ERAP1: variants seen among roughly 807,000 people sequenced by gnomAD.
ERAP1 encodes the protein adipocyte-derived leucine aminopeptidase.
ERAP1 carries 86 observed loss-of-function variants against 103.7 expected under a neutral mutation model. The observed-to-expected ratio is 0.83, with a 90% confidence interval of 0.70 to 0.99. ERAP1 has a LOEUF of 0.99. Ranked by LOEUF, ERAP1 falls within the 50% of genes least tolerant of loss-of-function variation. The probability of loss-of-function intolerance (pLI) is 0.00; values close to 1 mark genes in which losing one functional copy is unlikely to be tolerated. For synonymous variants in ERAP1, 398 were observed against 402.4 expected (o/e 0.99, Z 0.13); for missense variants, 1,009 against 1,128.4 (o/e 0.89, Z 1.52).
chr5:96,789,294 C>G (rs1275272218), intron 10 of ERAP1, among the ~76,000 whole-genome samples: 1 of 152,196 alleles, frequency 6.6e-6, no homozygotes, highest in East Asian at 1.9e-4. Flanking sequence ...CAAGACCAGC[C>G]TGGCGAACAT....
chr5:96,867,262 C>T, the ERAP1 span, among the ~76,000 whole-genome samples: 13 of 152,092 alleles, frequency 8.5e-5, no homozygotes, highest in Admixed American at 2.0e-4. Flanking sequence ...CTGCCTCAGC[C>T]TCCCAAAGTG....
chr5:96,838,858 A>AACTACCTGGAATCTGTGC, the ERAP1 span, among the ~76,000 whole-genome samples: 2 of 152,122 alleles, frequency 1.3e-5, no homozygotes, highest in African/African-American at 4.8e-5. Context: ...TTCTGATGTG[A>AACTACCTGGAATCTGTGC]ACTACCTGGA....
At chr5:96,916,158 T>G in the ERAP1 span, among the ~76,000 whole-genome samples, 1 of 151,174 alleles carries the variant, frequency 6.6e-6, no homozygotes, top group East Asian at 2.0e-4. Context: ...GAGGCGGAGG[T>G]TGCAGTGAGC....
At chr5:96,796,619 A>G (rs1178531528) in intron 4 of ERAP1, among the ~76,000 whole-genome samples, 8 of 152,192 alleles carry the variant, frequency 5.3e-5, no homozygotes, top group Non-Finnish European at 1.5e-5. Flanking sequence ...CAGTGAAGTG[A>G]CTGCAGTGAA....
At chr5:96,796,490 A>G (rs1243777885) in intron 4 of ERAP1, among the ~76,000 whole-genome samples, 3 of 152,176 alleles carry the variant, frequency 2.0e-5, no homozygotes, top group Non-Finnish European at 4.4e-5. Context: ...TTACTTCCAA[A>G]CTGCAGAAAG....
Position 96,774,752 on chromosome 5 carries a change from T to C in ERAP1, c.*1644A>G. The C allele has an allele frequency of 1.0e-6, 1 of 984,026 alleles. No homozygotes were observed. Among genetic ancestry groups the C allele is most frequent in the Non-Finnish European group, 1.2e-6 (1 of 828,494 alleles). The allele number at this position is 984,026 out of a possible 1,614,324, so 61.0% of individuals were successfully genotyped here. A position where few individuals can be genotyped will look rare whatever the true frequency, so the allele number is the denominator to read the frequency against. Reference sequence around the variant, plus strand: ...TGGGGTGGAAATTACCAGTGATTTCTATTTTTATTAAACCATTCACTACAA... The same window carrying C: ...TGGGGTGGAAATTACCAGTGATTTCCATTTTTATTAAACCATTCACTACAA... On this transcript the variant is annotated 3_prime_UTR_variant, in exon 19 of 19. Coordinates refer to ENST00000443439, the MANE Select transcript of ERAP1 (RefSeq NM_001040458.3).
chr5:96,917,138 G>A, the ERAP1 span, among the ~76,000 whole-genome samples: 8 of 152,068 alleles, frequency 5.3e-5, no homozygotes, highest in African/African-American at 1.9e-4. Flanking sequence ...AAACTGCCTC[G>A]CTCTGTCAGC....
the ERAP1 span, among the ~76,000 whole-genome samples, chr5:96,866,149 T>C: frequency 3.9e-5 from 6 of 152,370 alleles, no homozygotes; most frequent in South Asian, 1.2e-3. Flanking sequence ...ATCTACATGC[T>C]TCATGCTTCC....
the ERAP1 span, among the ~76,000 whole-genome samples, chr5:96,926,928 C>T: frequency 1.3e-5 from 2 of 152,136 alleles, no homozygotes; most frequent in African/African-American, 2.4e-5. Context: ...GCGAACCTCC[C>T]GCCTCAGCCC....
chr5:96,868,148 A>G, the ERAP1 span, among the ~76,000 whole-genome samples: 3 of 152,314 alleles, frequency 2.0e-5, no homozygotes, highest in East Asian at 1.9e-4. Flanking sequence ...CACTGACCCA[A>G]CATTGGAAAG....
chr5:96,783,467 G>A, intron 14 of ERAP1, among the ~76,000 whole-genome samples: 1 of 151,990 alleles, frequency 6.6e-6, no homozygotes, highest in Non-Finnish European at 1.5e-5. Context: ...TCTACTTAAA[G>A]TCAGGATGAA....
the ERAP1 span, among the ~76,000 whole-genome samples, chr5:96,847,082 A>G: frequency 1.2e-5 from 1 of 85,398 alleles, no homozygotes; most frequent in Non-Finnish European, 2.7e-5. Context: ...CTACTAAAAT[A>G]CAAAAAAAAA....
chr5:96,884,034 T>TTATCTATC, the ERAP1 span: 3,665 of 603,482 alleles, frequency 6.1e-3, 14 homozygotes, highest in East Asian at 8.3e-3. Context: ...TAATTTGTTT[T>TTATCTATC]TATCTATCTA....
the ERAP1 span, among the ~76,000 whole-genome samples, chr5:96,844,067 C>A: frequency 1.3e-5 from 2 of 152,176 alleles, no homozygotes; most frequent in African/African-American, 2.4e-5. Flanking sequence ...GCCTAATTCT[C>A]CTTGCTTGGC....
the ERAP1 span, among the ~76,000 whole-genome samples, chr5:96,867,650 G>T: frequency 1.2e-4 from 19 of 152,274 alleles, no homozygotes; most frequent in South Asian, 2.7e-3. Context: ...CTCATGGCAG[G>T]TTCCAAGGAC....
At chr5:96,846,299 T>G in the ERAP1 span, among the ~76,000 whole-genome samples, 2 of 152,208 alleles carry the variant, frequency 1.3e-5, no homozygotes, top group African/African-American at 4.8e-5. Flanking sequence ...TGAGAGCCAC[T>G]GCACTGGTCT....
intron 3 of ERAP1, among the ~76,000 whole-genome samples, chr5:96,798,934 C>T (rs906776036): frequency 7.2e-6 from 1 of 139,746 alleles, no homozygotes; most frequent in African/African-American, 2.7e-5. Flanking sequence ...ATGGCACAAT[C>T]TTGACTCACT....
chr5:96,783,998 C>T lies in ERAP1; in HGVS notation c.2026G>A (p.Gly676Ser). The part of the protein sequence containing the change: ...HETEIMPVFQ[G>S]LNELIPMYKL... The stretch of plus-strand genomic sequence containing the variant: ...TACATAGGAATCAGCTCATTCAAAC[C>T]TTGAAACACGGGCATAATTTCAGTT... The change falls in exon 14 of 19, where the codon GGT becomes AGT. Residue 676 changes from glycine (G) to serine (S), a missense_variant. Around this residue, in one of 3 missense-constraint regions of ERAP1, gnomAD observed 611 missense variants for 651.7 expected, o/e 0.94. Coordinates refer to ENST00000443439, the MANE Select transcript of ERAP1 (RefSeq NM_001040458.3). 6.2e-7 allele frequency: 1 copy of T among 1,613,986 alleles called. No individual in the cohort carries two copies. The highest frequency in any genetic ancestry group is 8.5e-7 in the Non-Finnish European group (1 of 1,179,978).
chr5:96,776,571 T>C lies in ERAP1; in HGVS notation c.2671-20A>G. The C allele has an allele frequency of 1.2e-6, 2 of 1,611,636 alleles. No homozygotes were observed. The highest frequency in any genetic ancestry group is 1.7e-6 in the Non-Finnish European group (2 of 1,179,574). ...TTTTACCTTGTGAGGAAAAAGTGGG[T>C]TTTAAAAAATTAATTTTATCACATT... On this transcript the variant is annotated intron_variant, in intron 18 of 18. Transcript: ENST00000443439.
Sources: allele counts gnomAD v4.1 joint callset (sites outside exome capture counted in the v4.1 genomes callset), GRCh38; gene constraint gnomAD v4.1.1; regional missense constraint gnomAD v4.1.1; transcripts MANE v1.5; gene names NCBI Gene and HGNC (gene_info 2026-07-23, HGNC 2026-07-21).